Variants in MADD observed in about 807,000 individuals in gnomAD.
MADD encodes the protein MAP kinase-activating death domain protein.
MADD carries 109 observed loss-of-function variants against 176.7 expected under a neutral mutation model. That is an observed-to-expected ratio of 0.62 (90% CI 0.53 to 0.72). The LOEUF is 0.72. MADD is among the 30% of genes least tolerant of loss of function. The pLI is 0.00. For missense variants in MADD, 1,914 were observed against 2,045.5 expected (o/e 0.94, Z 1.24); for synonymous variants, 771 against 771.3 (o/e 1.00, Z 0.01).
At chr11:47,309,472 C>G in intron 24 of MADD, 35 bp from the exon 28 acceptor site, 1 of 1,613,984 alleles carries the variant, frequency 6.2e-7, no homozygotes, top group Non-Finnish European at 8.5e-7. Flanking sequence ...TGGTCTCCCA[C>G]TTGAGGGCTG....
At chr11:47,290,718 T>A (rs2138529336) in exon 19 of MADD, 1 of 1,614,012 alleles carries the variant, frequency 6.2e-7, no homozygotes, top group South Asian at 1.1e-5. Flanking sequence ...CAACTGAGAG[T>A]TCCACAACTG....
In MADD at chr11:47,288,747, G is replaced by A. The variant is rs112573199; in HGVS notation, c.2654-644G>A. Among the ~76,000 whole-genome samples the A allele has an allele frequency of 1.8e-3, 277 of 152,244 alleles. 1 individual carries two copies. The highest frequency in any genetic ancestry group is 2.9e-3 in the Non-Finnish European group (199 of 68,012). On this transcript the variant is annotated intron_variant, in intron 15 of 32. Coordinates refer to ENST00000402192, the Ensembl canonical transcript of MADD. ...TGAAGGCTCCCTGTGTCATTTACCC[G>A]CCCCTGGCTTGAGAGGCCAGTTTTA... is the stretch of plus-strand genomic sequence containing the variant.
At chr11:47,284,782 A>T (rs570710432) in intron 12 of MADD, among the ~76,000 whole-genome samples, 159 bp from the exon 13 acceptor site, 2 of 152,030 alleles carry the variant, frequency 1.3e-5, no homozygotes, top group Non-Finnish European at 2.9e-5. Context: ...TCCCCCTTAT[A>T]TAGTTTGTGG....
Position 47,290,780 on chromosome 11 carries a change from A to T in MADD, c.3265A>T (p.Arg1089Ter). Reference sequence around the variant, plus strand: ...AAAGGGTCCTAAGGAACTGGACACCAGAAGTTTAAAGGAAGAAAATTTTAT... The same window carrying T: ...AAAGGGTCCTAAGGAACTGGACACCTGAAGTTTAAAGGAAGAAAATTTTAT... Residue 1089 changes from arginine (R) to a stop codon, truncating the protein, a stop_gained, in exon 19 of 33, where the codon AGA becomes TGA. Coordinates refer to ENST00000402192, the Ensembl canonical transcript of MADD. LOFTEE classifies it high-confidence loss of function. 1.2e-6 allele frequency: 2 copies of T among 1,613,394 alleles called. No homozygotes were observed. The highest frequency in any genetic ancestry group is 1.7e-6 in the Non-Finnish European group (2 of 1,179,412).
intron 2 of MADD, 107 bp downstream of exon 2, chr11:47,274,083 C>A (rs1012236332): frequency 4.6e-6 from 5 of 1,080,314 alleles, no homozygotes; most frequent in Non-Finnish European, 5.5e-6. Context: ...TCATCTTCTC[C>A]TGTTATTTTA....
chr11:47,286,584 C>T (rs768676728), intron 15 of MADD, 50 bp downstream of exon 15: 12 of 1,434,664 alleles, frequency 8.4e-6, no homozygotes, highest in African/African-American at 4.2e-5. Context: ...GGAGATGTTT[C>T]GGGCTGTGGG....
intron 16 of MADD, 116 bp downstream of exon 17, chr11:47,289,609 C>G: frequency 1.1e-6 from 1 of 902,784 alleles, no homozygotes. Context: ...TAGATGTAAT[C>G]AATTTCTTGC....
In MADD at chr11:47,285,126, T is replaced by TGAGGA; in HGVS notation, c.2344_2348dup (p.Asp784ArgfsTer33). ...TCGAGCCCCAATATGGCTTTCCCCCTGAGGAAGATGAGGATGAGCAGGGGG... is the reference window on the plus strand; with the variant it reads ...TCGAGCCCCAATATGGCTTTCCCCCTGAGGAGAGGAAGATGAGGATGAGCAGGGGG... On this transcript the variant is annotated frameshift_variant, in exon 13 of 33. Coordinates refer to ENST00000402192, the Ensembl canonical transcript of MADD. LOFTEE classifies it high-confidence loss of function. The TGAGGA allele has an allele frequency of 1.2e-6, 2 of 1,613,998 alleles. No homozygotes were observed. The highest frequency in any genetic ancestry group is 2.2e-5 in the South Asian group (2 of 91,072).
chr11:47,292,146 A>G (rs1169459242), intron 19 of MADD, among the ~76,000 whole-genome samples: 3 of 152,178 alleles, frequency 2.0e-5, no homozygotes, highest in Non-Finnish European at 4.4e-5. Context: ...GCCCTTCCCC[A>G]GCTCATTTGG....
exon 8 of MADD, chr11:47,281,598 C>A (rs1555021648): frequency 6.2e-7 from 1 of 1,611,996 alleles, no homozygotes; most frequent in South Asian, 1.1e-5. Flanking sequence ...TGAGTCTCAA[C>A]ACCCAGCCCA....
At chr11:47,269,416 T>A (rs116869426), upstream of MADD, 3,886 of 152,476 alleles carry the variant, frequency 0.025, 61 homozygotes, top group Middle Eastern at 0.061. Context: ...CTCACGTGCA[T>A]GTGTAGCATG....
At chr11:47,309,695 G>A (rs969199186) in intron 25 of MADD, 83 bp downstream of exon 28, 10 of 1,027,420 alleles carry the variant, frequency 9.7e-6, no homozygotes, top group African/African-American at 1.6e-5. Context: ...CGGGGTAGCT[G>A]GGAAGCTATC....
At position 47,325,033 on chromosome 11, in the gene MADD, G is replaced by A. The variant is rs1229837330; in HGVS notation, c.4542+456G>A. The A allele has an allele frequency of 6.4e-6, 3 of 467,242 alleles. No homozygotes were observed. Among genetic ancestry groups the A allele is most frequent in the South Asian group, 5.1e-5 (2 of 39,048 alleles). The allele number at this position is 467,242 out of a possible 1,614,324, so 28.9% of individuals were successfully genotyped here. ...TGCGTGCGTGCCTGCGTGCTTGTGT[G>A]TAAGTAGCTTGTATCTGTCCTCTCT... On this transcript the variant is annotated intron_variant, in intron 30 of 32. Coordinates refer to ENST00000402192, the Ensembl canonical transcript of MADD. The surrounding 1 kb of genome is among the most constrained non-coding windows in gnomAD (Gnocchi z 4.5).
At chr11:47,327,505 G>A in intron 31 of MADD, 3 of 985,434 alleles carry the variant, frequency 3.0e-6, no homozygotes, top group Non-Finnish European at 3.6e-6. Context: ...CCTGCCCTGG[G>A]TGGGTAGCTC....
At chr11:47,292,820 A>C (rs1463286475) in intron 19 of MADD, among the ~76,000 whole-genome samples, 1 of 152,046 alleles carries the variant, frequency 6.6e-6, no homozygotes, top group Non-Finnish European at 1.5e-5. Flanking sequence ...TACTGAATAC[A>C]ACTCCCCAGA....
chr11:47,270,431 G>C (rs1371281706), intron 1 of MADD, among the ~76,000 whole-genome samples, 185 bp downstream of exon 1: 2 of 150,738 alleles, frequency 1.3e-5, no homozygotes, highest in Non-Finnish European at 3.0e-5. Context: ...GGGGCGCCCC[G>C]GGCAGAGGAG....
intron 26 of MADD, among the ~76,000 whole-genome samples, chr11:47,313,878 G>C (rs542821153): frequency 1.8e-4 from 27 of 152,064 alleles, no homozygotes; most frequent in Admixed American, 3.9e-4. Context: ...TCCTGCCTCA[G>C]CCTCATGAGT....
Position 47,298,250 on chromosome 11 carries a change from A to T in MADD, c.3642+2195A>T, listed in dbSNP as rs79576081. Among the ~76,000 whole-genome samples the T allele has an allele frequency of 2.0e-3, 302 of 152,338 alleles. 7 individuals are homozygous for T. The East Asian group carries it at 0.04, about 20-fold the overall frequency. On this transcript the variant is annotated intron_variant, in intron 22 of 32. Coordinates refer to ENST00000402192, the Ensembl canonical transcript of MADD. ...TGGAAGGAGCCAGAGTAATAGGAAA[A>T]TTACTTCTCTTCGCTTAGAAGAAAA... is the stretch of plus-strand genomic sequence containing the variant.
At chr11:47,273,075 T>C (rs10501321) in intron 1 of MADD, among the ~76,000 whole-genome samples, 63,770 of 152,092 alleles carry the variant, frequency 0.42, 14,780 homozygotes, top group East Asian at 0.69. Flanking sequence ...GTGGTAGTTT[T>C]ACATCAAGCT....
Sources: allele counts gnomAD v4.1 joint callset (sites outside exome capture counted in the v4.1 genomes callset), GRCh38; gene constraint gnomAD v4.1.1; non-coding constraint Gnocchi (gnomAD v3.1); transcripts MANE v1.5; gene names NCBI Gene and HGNC (gene_info 2026-07-23, HGNC 2026-07-21).